The following PNPLA7 variants were observed in gnomAD, a reference collection of about 807,000 sequenced individuals.
PNPLA7 encodes the protein patatin like domain 7, lysophospholipase.
PNPLA7 carries 153 observed loss-of-function variants against 161.7 expected under a neutral mutation model. The observed-to-expected ratio is 0.95, with a 90% CI of 0.83 to 1.08. The LOEUF (loss-of-function observed/expected upper bound fraction) is 1.08. Among genes scored for constraint, PNPLA7 ranks in the 50% least tolerant of loss-of-function variants. PNPLA7 has a pLI of 0.00. For missense variants in PNPLA7, 1,739 were observed against 1,856.6 expected (o/e 0.94, Z 1.16); for synonymous variants, 809 against 782.1 (o/e 1.03, Z -0.57).
intron 34 of PNPLA7, 78 bp from the exon 35 acceptor site, chr9:137,460,554 C>CAGGG (rs1564274025): frequency 6.3e-7 from 1 of 1,598,430 alleles, no homozygotes; most frequent in African/African-American, 1.3e-5. Context: ...GGTGGGACCA[C>CAGGG]AGGGAGGGAG....
rs1370966967 is a variant in PNPLA7, at chr9:137,468,735, C to G, written c.2883-1262G>C. Among the ~76,000 whole-genome samples the G allele has an allele frequency of 6.6e-6, 1 of 151,180 alleles. No individual in the cohort carries two copies. Among genetic ancestry groups the G allele is most frequent in the Non-Finnish European group, 1.5e-5 (1 of 67,806 alleles). ...ACTCCAGCCTGGACTGGAGTGAGAC[C>G]CTGTCTATAAAAAAGTTCTGGAAAT... On this transcript the variant is annotated intron_variant, in intron 25 of 34. Transcript: ENST00000406427. This position sits in a 1 kb window ranked among gnomAD's most constrained non-coding sequence, Gnocchi z 4.0.
At chr9:137,475,792 C>G (rs1035903210) in intron 25 of PNPLA7, among the ~76,000 whole-genome samples, 4 of 151,952 alleles carry the variant, frequency 2.6e-5, no homozygotes, top group Admixed American at 6.6e-5. Context: ...ACTAAAAAGA[C>G]AATGGAACCA....
intron 12 of PNPLA7, among the ~76,000 whole-genome samples, chr9:137,507,467 C>T (rs960109149): frequency 6.6e-5 from 10 of 152,098 alleles, no homozygotes; most frequent in African/African-American, 2.2e-4. Context: ...GTTGGGGGTT[C>T]GAGACCAGCC....
chr9:137,472,167 C>G (rs2132103638), intron 25 of PNPLA7, among the ~76,000 whole-genome samples: 1 of 151,916 alleles, frequency 6.6e-6, no homozygotes, highest in East Asian at 1.9e-4. Context: ...ATGGAGGCCT[C>G]AGCCTCACAC....
intron 20 of PNPLA7, chr9:137,491,575 C>T (rs1336760296): frequency 8.1e-6 from 8 of 985,278 alleles, no homozygotes; most frequent in African/African-American, 7.0e-5. Context: ...AGTTACATTA[C>T]GTGTTAGTGT....
chr9:137,488,987 G>A (rs558950823), intron 20 of PNPLA7, among the ~76,000 whole-genome samples: 8 of 128,210 alleles, frequency 6.2e-5, no homozygotes, highest in African/African-American at 2.5e-4. Flanking sequence ...CTAACCAGCA[G>A]ACATCCCAAC....
chr9:137,501,751 G>C, intron 14 of PNPLA7, 24 bp from the exon 15 acceptor site: 1 of 1,608,552 alleles, frequency 6.2e-7, no homozygotes, highest in Non-Finnish European at 8.5e-7. Context: ...AGACTTCAGG[G>C]AACACGGGCG....
In PNPLA7 at chr9:137,463,479, G is replaced by T. The variant is rs1391222330; in HGVS notation, c.3279C>A (p.Pro1093=). The change falls in exon 29 of 35, where the codon CCC becomes CCA. Residue 1093 remains proline, a synonymous_variant. Transcript: ENST00000406427. ...RASMSLSGYM[P]PLCDPKDGHL... is the part of the protein sequence containing the mutation. ...GTCCGTCCTTCGGGTCACAGAGAGG[G>T]GGCATGTAACCGGACAGGGACATGC... The T allele has an allele frequency of 6.3e-7, 1 of 1,593,552 alleles. No individual in the cohort carries two copies.
At chr9:137,522,693 C>G in intron 9 of PNPLA7, 36 bp downstream of exon 9, 1 of 1,610,588 alleles carries the variant, frequency 6.2e-7, no homozygotes. Context: ...GGGTGACCCA[C>G]AGCAGCTAGA....
intron 1 of PNPLA7, among the ~76,000 whole-genome samples, chr9:137,548,655 G>A (rs1836675405): frequency 1.3e-5 from 2 of 152,240 alleles, no homozygotes; most frequent in African/African-American, 4.8e-5. Context: ...GGCTGAGGCA[G>A]GAGAATGGCG....
chr9:137,462,901 T>G, intron 29 of PNPLA7, 68 bp from the exon 30 acceptor site: 22 of 1,587,814 alleles, frequency 1.4e-5, no homozygotes, highest in Non-Finnish European at 1.8e-5. Flanking sequence ...GGGCAGAGCC[T>G]GCCTCTCCGA....
Position 137,460,719 on chromosome 9 carries a change from G to T in PNPLA7, c.3860C>A (p.Thr1287Lys), listed in dbSNP as rs145220396. The part of the protein sequence containing the change: ...AMVDDESDYQ[T>K]EYEEELLDVP... ...GTCCAGCAGCTCCTCCTCGTACTCCGTCTGGTAGTCAGATTCGTCTGGCAC... is the reference window on the plus strand; with the variant it reads ...GTCCAGCAGCTCCTCCTCGTACTCCTTCTGGTAGTCAGATTCGTCTGGCAC... The change falls in exon 34 of 35, where the codon ACG (threonine) becomes AAG (lysine). Residue 1287 changes from threonine to lysine, a missense_variant. Physicochemically the swap from Thr to Lys is moderately conservative, Grantham distance 78. Coordinates refer to ENST00000406427, the MANE Select transcript of PNPLA7 (RefSeq NM_001098537.3). The T allele has an allele frequency of 1.1e-4, 184 of 1,612,600 alleles. No homozygotes were observed. Among genetic ancestry groups the T allele is most frequent in the South Asian group, 4.6e-4 (42 of 91,082 alleles).
intron 18 of PNPLA7, among the ~76,000 whole-genome samples, chr9:137,496,345 G>A (rs985178156): frequency 3.3e-5 from 5 of 151,474 alleles, no homozygotes; most frequent in Non-Finnish European, 7.4e-5. Context: ...AACCTCAGGT[G>A]GTCCACCCAC....
Position 137,460,734 on chromosome 9 carries a change from T to C in PNPLA7, c.3845A>G (p.Glu1282Gly). 6.2e-7 allele frequency: 1 copy of C among 1,612,430 alleles called. No homozygotes were observed. Among genetic ancestry groups the C allele is most frequent in the Non-Finnish European group, 8.5e-7 (1 of 1,179,706 alleles). ...EPAKPAMVDDESDYQTEYEEE... is the reference protein window; with the variant it reads ...EPAKPAMVDDGSDYQTEYEEE... ...CTCGTACTCCGTCTGGTAGTCAGAT[T>C]CGTCTGGCACCGAGGGTAGGGCTGC... The change falls in exon 34 of 35, where the codon GAA becomes GGA. Residue 1282 changes from glutamate (E) to glycine (G), a missense_variant. Around this residue, in one of 6 missense-constraint regions of PNPLA7, gnomAD observed 703 missense variants for 694.6 expected, o/e 1.01. Coordinates refer to ENST00000406427, the MANE Select transcript of PNPLA7 (RefSeq NM_001098537.3).
intron 8 of PNPLA7, among the ~76,000 whole-genome samples, chr9:137,539,640 G>A (rs552863335): frequency 6.6e-6 from 1 of 152,078 alleles, no homozygotes; most frequent in Non-Finnish European, 1.5e-5. Flanking sequence ...CTGCCTGGGC[G>A]ACAGAGCAAG....
At chr9:137,519,038 C>T (rs1206790680) in intron 11 of PNPLA7, among the ~76,000 whole-genome samples, 4 of 147,006 alleles carry the variant, frequency 2.7e-5, no homozygotes, top group African/African-American at 1.0e-4. Flanking sequence ...TCCCTCCACT[C>T]TACTCACTCC....
intron 11 of PNPLA7, among the ~76,000 whole-genome samples, chr9:137,519,592 C>T (rs1262575787): frequency 6.6e-6 from 1 of 151,992 alleles, no homozygotes; most frequent in African/African-American, 2.4e-5. Context: ...CTGAGGACAT[C>T]CAGCCCGCAT....
intron 25 of PNPLA7, among the ~76,000 whole-genome samples, chr9:137,477,549 A>G (rs1249508143): frequency 6.6e-6 from 1 of 151,850 alleles, no homozygotes; most frequent in Non-Finnish European, 1.5e-5. Context: ...TCCTGCATTC[A>G]AGCAATTCTC....
rs1215941424 is a variant in PNPLA7, at chr9:137,460,301, C to T, written c.*92G>A. 7.6e-7 allele frequency: 1 copy of T among 1,307,644 alleles called. No homozygotes were observed. Among genetic ancestry groups the T allele is most frequent in the Non-Finnish European group, 1.1e-6 (1 of 946,230 alleles). 81.0% of individuals were successfully genotyped at this position (1,307,644 alleles called of 1,614,324 possible). On this transcript the variant is annotated 3_prime_UTR_variant, in exon 35 of 35. Coordinates refer to ENST00000406427, the MANE Select transcript of PNPLA7 (RefSeq NM_001098537.3). ...GGGGAAGTCAGGGCTTCCAGCAGGGCAGGTACAGAGGCCCCTAGGACTTGG... is the reference window on the plus strand; with the variant it reads ...GGGGAAGTCAGGGCTTCCAGCAGGGTAGGTACAGAGGCCCCTAGGACTTGG...
Sources: allele counts gnomAD v4.1 joint callset (sites outside exome capture counted in the v4.1 genomes callset), GRCh38; gene constraint gnomAD v4.1.1; regional missense constraint gnomAD v4.1.1; non-coding constraint Gnocchi (gnomAD v3.1); transcripts MANE v1.5; gene names NCBI Gene and HGNC (gene_info 2026-07-23, HGNC 2026-07-21).